TMF1: variants seen among roughly 807,000 people sequenced by gnomAD.
The protein encoded by TMF1 is TATA element modulatory factor 1, also known as TATA element modulatory factor.
TMF1 carries 71 observed loss-of-function variants against 126.5 expected under a neutral mutation model. That is an observed-to-expected ratio of 0.56 (90% CI 0.46 to 0.68). The LOEUF (loss-of-function observed/expected upper bound fraction) is 0.68. TMF1 is among the 30% of genes least tolerant of loss of function. The pLI, the probability that TMF1 is intolerant of heterozygous loss-of-function variation, is 0.00. For missense variants in TMF1, 1,259 were observed against 1,253.2 expected, an observed-to-expected ratio of 1.00 and a Z score of -0.07; for synonymous variants, 461 against 430.5, an observed-to-expected ratio of 1.07 and a Z score of -0.88.
In TMF1 at chr3:69,021,513, C is replaced by CA. The variant is rs1184658227; in HGVS notation, c.*1663dup. The CA allele has an allele frequency of 5.2e-5, 8 of 152,450 alleles. No homozygotes were observed. Among genetic ancestry groups the CA allele is most frequent in the African/African-American group, 1.9e-4 (8 of 41,402 alleles). The allele number at this position is 152,450 out of a possible 1,614,324, so 9.4% of individuals were successfully genotyped here. A position where few individuals can be genotyped will look rare whatever the true frequency, so the allele number is the denominator to read the frequency against. On this transcript the variant is annotated 3_prime_UTR_variant, in exon 17 of 17. Coordinates refer to ENST00000398559, the MANE Select transcript of TMF1 (RefSeq NM_007114.3). ...CTCACACTGAAAGAATATTTATTAACACTACCAATCAGAGATCCAATGACA... is the reference window on the plus strand; with the variant it reads ...CTCACACTGAAAGAATATTTATTAACAACTACCAATCAGAGATCCAATGACA...
At chr3:69,046,924 C>G (rs1226829136) in intron 2 of TMF1, among the ~76,000 whole-genome samples, 1 of 152,042 alleles carries the variant, frequency 6.6e-6, no homozygotes, top group African/African-American at 2.4e-5. Flanking sequence ...ATATTTGCTA[C>G]AAATAATGTA....
In TMF1 at chr3:69,029,737, G is replaced by A. The variant is rs114583253; in HGVS notation, c.2594+78C>T. 2.5e-3 allele frequency: 3,454 copies of A among 1,387,110 alleles called. 53 individuals carry two copies. In the African/African-American group the frequency reaches 0.042, roughly 17 times the overall value. 85.9% of individuals were successfully genotyped at this position (1,387,110 alleles called of 1,614,324 possible). On this transcript the variant is annotated intron_variant, in intron 11 of 16. Transcript: ENST00000398559. ...ATTACAGGCGTGAGCCACGGCGCCC[G>A]GCCCAACAACATACTTTTAAAAAGT...
At chr3:69,028,088 A>T in intron 12 of TMF1, 96 bp from the exon 13 acceptor site, 1 of 1,111,166 alleles carries the variant, frequency 9.0e-7, no homozygotes. Flanking sequence ...ATAAACTCAT[A>T]TTTGTTTTCC....
In TMF1 at chr3:69,028,985, T is replaced by C. The variant is rs1271734583; in HGVS notation, c.2595-690A>G. 2.0e-5 allele frequency among the ~76,000 whole-genome samples: 3 copies of C among 151,836 alleles called. No homozygotes were observed. The East Asian group carries it at 5.8e-4, about 29-fold the overall frequency. ...AACATGCCACACAATCTCAACAATC[T>C]ACATGACAATGAATCCCAGTACTAT... is the stretch of plus-strand genomic sequence containing the variant. On this transcript the variant is annotated intron_variant, in intron 11 of 16. Coordinates refer to ENST00000398559, the MANE Select transcript of TMF1 (RefSeq NM_007114.3).
intron 6 of TMF1, 30 bp downstream of exon 6, chr3:69,039,521 T>C (rs748495669): frequency 5.0e-5 from 80 of 1,600,958 alleles, no homozygotes; most frequent in Non-Finnish European, 6.5e-5. Context: ...AATAACAATA[T>C]ATATGTAGAG....
rs1388677664 is a variant in TMF1, at chr3:69,022,934, A to G, written c.*243T>C. On this transcript the variant is annotated 3_prime_UTR_variant, in exon 17 of 17. Transcript: ENST00000398559. ...ATAAATCTCTGTGCTATTCAAGGAA[A>G]AAAAATGAATGCTTTAAAAAATAAA... 3.5e-5 allele frequency: 12 copies of G among 344,942 alleles called. No individual in the cohort carries two copies. The highest frequency in any genetic ancestry group is 2.3e-4 in the Admixed American group (5 of 22,094). The allele number at this position is 344,942 out of a possible 1,614,324, so 21.4% of individuals were successfully genotyped here. A position where few individuals can be genotyped will look rare whatever the true frequency, so the allele number is the denominator to read the frequency against.
At chr3:69,041,119 T>A (rs1053597247) in intron 5 of TMF1, among the ~76,000 whole-genome samples, 1 of 152,148 alleles carries the variant, frequency 6.6e-6, no homozygotes, top group Non-Finnish European at 1.5e-5. Flanking sequence ...TAACATTCGA[T>A]ATTAATATTT....
Position 69,038,674 on chromosome 3 carries a change from CCTCA to C in TMF1, c.2037_2040del (p.Ser679ArgfsTer7). The C allele has an allele frequency of 6.2e-7, 1 of 1,614,122 alleles. No homozygotes were observed. Among genetic ancestry groups the C allele is most frequent in the Non-Finnish European group, 8.5e-7 (1 of 1,180,006 alleles). On this transcript the variant is annotated frameshift_variant, in exon 8 of 17. Transcript: ENST00000398559. LOFTEE classifies it high-confidence loss of function. ...TCACGGCTCAGAGCAGCTTCCTGTG[CCTCA>C]CTATCCTTTGCAGCATTGGCTTTGT...
intron 11 of TMF1, 38 bp from the exon 12 acceptor site, chr3:69,028,333 A>G: frequency 2.1e-6 from 3 of 1,433,992 alleles, no homozygotes; most frequent in Non-Finnish European, 2.9e-6. Context: ...ACAGAAAATG[A>G]AAAAGATGCT....
In TMF1 at chr3:69,025,563, T is replaced by A. The variant is rs1348900638; in HGVS notation, c.3009A>T (p.Leu1003Phe). The A allele has an allele frequency of 6.2e-7, 1 of 1,611,900 alleles. No individual in the cohort carries two copies. ...GCAAATTTAATTTTTCCAATACCTG[T>A]AAATGAGTGATTTCCCCTTCCCTTA... ...LKLREGEITH[L>F]QLEIGNLEKT... The change falls in exon 15 of 17, where the codon TTA becomes TTT. Residue 1003 changes from leucine (L) to phenylalanine (F), a missense_variant. Coordinates refer to ENST00000398559, the MANE Select transcript of TMF1 (RefSeq NM_007114.3).
chr3:69,051,843 C>G lies in TMF1; in HGVS notation c.142+102G>C. 5 of 1,351,996 alleles carry G rather than the reference C, an allele frequency of 3.7e-6. 1 individual carries two copies. The South Asian group carries it at 7.5e-5, about 20-fold the overall frequency. The allele number at this position is 1,351,996 out of a possible 1,614,324, so 83.7% of individuals were successfully genotyped here. On this transcript the variant is annotated intron_variant, in intron 1 of 16. Transcript: ENST00000398559. The stretch of plus-strand genomic sequence containing the variant: ...CCGGGGAGAAATTACTTCCTGAAAA[C>G]TCTCTCAGCAAGGAAGGACCCCTCT...
intron 12 of TMF1, 110 bp from the exon 13 acceptor site, chr3:69,028,102 TA>T: frequency 8.8e-7 from 1 of 1,139,568 alleles, no homozygotes; most frequent in Non-Finnish European, 1.3e-6. Flanking sequence ...GTTTTCCTAC[TA>T]AAGACCAAGT....
At chr3:69,040,127 C>T (rs1475929008) in intron 5 of TMF1, among the ~76,000 whole-genome samples, 3 of 152,124 alleles carry the variant, frequency 2.0e-5, no homozygotes, top group South Asian at 2.1e-4. Context: ...AACAAATTCC[C>T]GAACATGGGT....
intron 5 of TMF1, chr3:69,040,302 C>T (rs1469450876): frequency 1.3e-5 from 2 of 152,254 alleles, no homozygotes; most frequent in African/African-American, 4.8e-5. Flanking sequence ...ATAACAGACA[C>T]TTTTAGAGAC....
intron 9 of TMF1, 112 bp from the exon 10 acceptor site, chr3:69,033,816 T>G (rs755768396): frequency 3.2e-5 from 33 of 1,023,098 alleles, no homozygotes; most frequent in Non-Finnish European, 4.5e-5. Context: ...CAAGAGAAAA[T>G]AATTTGCTTT....
chr3:69,045,723 G>A (rs1333280742), intron 2 of TMF1, among the ~76,000 whole-genome samples: 1 of 151,826 alleles, frequency 6.6e-6, no homozygotes, highest in Non-Finnish European at 1.5e-5. Flanking sequence ...GACTAGCCTG[G>A]GCAACAGGGC....
chr3:69,041,931 G>T (rs1422889742), intron 5 of TMF1, among the ~76,000 whole-genome samples: 2 of 151,932 alleles, frequency 1.3e-5, no homozygotes, highest in Non-Finnish European at 2.9e-5. Flanking sequence ...TTTTCCAAAG[G>T]CTCCTCTCTC....
chr3:69,025,474 T>C (rs2091762781), intron 15 of TMF1, 86 bp downstream of exon 15: 3 of 1,319,000 alleles, frequency 2.3e-6, no homozygotes, highest in Non-Finnish European at 3.1e-6. Flanking sequence ...CTCAATTTGC[T>C]CAGAATTCAG....
chr3:69,033,530 A>G lies in TMF1; in HGVS notation c.2401+18T>C. 6.2e-7 allele frequency: 1 copy of G among 1,603,056 alleles called. No individual in the cohort carries two copies. Among genetic ancestry groups the G allele is most frequent in the Non-Finnish European group, 8.5e-7 (1 of 1,176,590 alleles). ...ATGGAAGAGCTTCTGCATCGAGCAT[A>G]AAAACTAAAGCAGTTACCAAGCCTA... On this transcript the variant is annotated intron_variant, in intron 10 of 16. Transcript: ENST00000398559.
Sources: gnomAD v4.1 joint callset for allele counts (sites outside exome capture counted in the v4.1 genomes callset) on GRCh38, gnomAD v4.1.1 for gene constraint, MANE v1.5 for transcripts, NCBI Gene and HGNC (gene_info 2026-07-23, HGNC 2026-07-21) for gene names.